TMED3: variants seen among roughly 807,000 people sequenced by gnomAD.
The protein encoded by TMED3 is transmembrane emp24 domain-containing protein 3.
TMED3 carries 9 observed loss-of-function variants against 15.0 expected under a neutral mutation model. The observed-to-expected ratio is 0.60, with a 90% CI of 0.36 to 1.04. TMED3 has a LOEUF of 1.04. Ranked by LOEUF, TMED3 falls within the 50% of genes least tolerant of loss-of-function variation. The probability of loss-of-function intolerance (pLI) is 0.01; values close to 1 mark genes in which losing one functional copy is unlikely to be tolerated. For synonymous variants in TMED3, 117 were observed against 121.4 expected (o/e 0.96, Z 0.24); for missense variants, 267 against 278.9 (o/e 0.96, Z 0.30).
intron 2 of TMED3, among the ~76,000 whole-genome samples, chr15:79,351,232 A>G (rs1199823851): frequency 6.6e-6 from 1 of 152,228 alleles, no homozygotes; most frequent in Non-Finnish European, 1.5e-5. Context: ...CCACTTGTCT[A>G]TTCTGGGCTT....
intron 2 of TMED3, among the ~76,000 whole-genome samples, chr15:79,353,131 A>C: frequency 1.4e-5 from 1 of 70,192 alleles, no homozygotes; most frequent in African/African-American, 7.3e-5. Context: ...AATATATATA[A>C]AATATATAAA....
chr15:79,338,287 T>C (rs2058834521), intron 2 of TMED3, among the ~76,000 whole-genome samples: 1 of 152,208 alleles, frequency 6.6e-6, no homozygotes, highest in African/African-American at 2.4e-5. Flanking sequence ...TATAACAAAA[T>C]ATTAGCATTT....
At chr15:79,406,292 C>G (rs1258729864) in intron 2 of TMED3, among the ~76,000 whole-genome samples, 1 of 152,200 alleles carries the variant, frequency 6.6e-6, no homozygotes. Flanking sequence ...GCCCTTTCTC[C>G]ATAGACCCGG....
intron 2 of TMED3, among the ~76,000 whole-genome samples, chr15:79,357,077 A>T (rs2058922221): frequency 1.3e-5 from 2 of 152,170 alleles, no homozygotes. Flanking sequence ...AACATATACA[A>T]ATATGCATAT....
chr15:79,349,678 C>A (rs71409226), intron 2 of TMED3, among the ~76,000 whole-genome samples: 14,246 of 152,192 alleles, frequency 0.094, 711 homozygotes, highest in Admixed American at 0.12. Context: ...TCCTTTTCTG[C>A]CTCATTGTCT....
At chr15:79,357,569 A>G (rs1261507291) in intron 2 of TMED3, among the ~76,000 whole-genome samples, 2 of 145,302 alleles carry the variant, frequency 1.4e-5, no homozygotes, top group East Asian at 4.1e-4. Flanking sequence ...AACTAGTGTT[A>G]TACCTCCTTC....
intron 2 of TMED3, among the ~76,000 whole-genome samples, chr15:79,402,326 G>T (rs559722162): frequency 6.6e-6 from 1 of 152,206 alleles, no homozygotes; most frequent in Non-Finnish European, 1.5e-5. Flanking sequence ...GGTTATACAC[G>T]TGTGAGTGAA....
At chr15:79,389,445 C>T (rs775690177) in intron 2 of TMED3, among the ~76,000 whole-genome samples, 3 of 152,108 alleles carry the variant, frequency 2.0e-5, no homozygotes, top group South Asian at 2.1e-4. Context: ...TTCCATTGGC[C>T]TATGTGCCTG....
chr15:79,401,400 T>C (rs114154558), intron 2 of TMED3, among the ~76,000 whole-genome samples: 9,526 of 152,232 alleles, frequency 0.063, 418 homozygotes, highest in Non-Finnish European at 0.091. Flanking sequence ...AGAGAGTGCA[T>C]AGGAGGACGA....
intron 2 of TMED3, chr15:79,383,792 A>G (rs935927975): frequency 6.6e-6 from 1 of 152,242 alleles, no homozygotes; most frequent in Admixed American, 6.5e-5. Context: ...AGTACAGACT[A>G]TCTGGCATGG....
intron 2 of TMED3, among the ~76,000 whole-genome samples, chr15:79,342,589 C>T (rs1255435938): frequency 6.6e-6 from 1 of 152,060 alleles, no homozygotes; most frequent in African/African-American, 2.4e-5. Flanking sequence ...ATCTAACTAC[C>T]TAGAATCTAA....
At chr15:79,331,764 A>C (rs2058810116) in intron 2 of TMED3, among the ~76,000 whole-genome samples, 1 of 152,226 alleles carries the variant, frequency 6.6e-6, no homozygotes, top group South Asian at 2.1e-4. Context: ...TTCTCAAAAG[A>C]AGACATATAA....
intron 2 of TMED3, among the ~76,000 whole-genome samples, chr15:79,379,799 A>G (rs1014277381): frequency 5.9e-5 from 9 of 152,236 alleles, no homozygotes; most frequent in African/African-American, 2.2e-4. Flanking sequence ...TCTGACAGCT[A>G]GCATATAATT....
At chr15:79,396,426 C>A (rs993156614) in intron 2 of TMED3, among the ~76,000 whole-genome samples, 5 of 152,180 alleles carry the variant, frequency 3.3e-5, no homozygotes, top group South Asian at 2.1e-4. Flanking sequence ...TTCACCTGTC[C>A]AGTACCTGGC....
intron 2 of TMED3, among the ~76,000 whole-genome samples, chr15:79,329,564 G>A (rs573761007): frequency 9.6e-4 from 146 of 152,356 alleles, no homozygotes; most frequent in Non-Finnish European, 1.3e-3. Flanking sequence ...CCCAGAGAGG[G>A]AGAGAGTGTG....
chr15:79,339,359 TC>T (rs1249307257), intron 2 of TMED3, among the ~76,000 whole-genome samples: 1 of 152,164 alleles, frequency 6.6e-6, no homozygotes, highest in Admixed American at 6.5e-5. Context: ...GTGGTAGTGG[TC>T]CCCCGGGCCC....
intron 2 of TMED3, among the ~76,000 whole-genome samples, chr15:79,371,479 A>C (rs1893338070): frequency 6.6e-6 from 1 of 152,184 alleles, no homozygotes; most frequent in Non-Finnish European, 1.5e-5. Context: ...GCAAAGAAAG[A>C]GTTTAATAAT....
chr15:79,357,597 T>A (rs2058924599), intron 2 of TMED3, among the ~76,000 whole-genome samples: 1 of 151,652 alleles, frequency 6.6e-6, no homozygotes, highest in Non-Finnish European at 1.5e-5. Context: ...GGTCCTATTG[T>A]CTGTGAATGT....
At chr15:79,380,630 T>C (rs1371123388) in intron 2 of TMED3, among the ~76,000 whole-genome samples, 1 of 150,564 alleles carries the variant, frequency 6.6e-6, no homozygotes, top group East Asian at 1.9e-4. Context: ...TTTCTGGGGC[T>C]CATTTTTATG....
Sources: allele counts gnomAD v4.1 joint callset (sites outside exome capture counted in the v4.1 genomes callset), GRCh38; gene constraint gnomAD v4.1.1; transcripts MANE v1.5; gene names NCBI Gene and HGNC (gene_info 2026-07-23, HGNC 2026-07-21).